Variants in CYREN observed in about 807,000 individuals in gnomAD.
CYREN encodes cell cycle regulator of NHEJ.
Under a neutral mutation model 9.7 loss-of-function variants are expected in CYREN, and 7 were observed. That is an observed-to-expected ratio of 0.72 (90% confidence interval 0.41 to 1.36). The LOEUF is 1.36. CYREN is among the 40% of genes most tolerant of loss of function. The pLI, the probability that CYREN is intolerant of heterozygous loss-of-function variation, is 0.01. For missense variants in CYREN, 215 were observed against 198.1 expected, an observed-to-expected ratio of 1.09 and a Z score of -0.51; for synonymous variants, 76 against 77.9, an observed-to-expected ratio of 0.98 and a Z score of 0.13.
chr7:135,122,294 C>A (rs185531314), intron 2 of CYREN, among the ~76,000 whole-genome samples: 1 of 152,158 alleles, frequency 6.6e-6, no homozygotes, highest in Non-Finnish European at 1.5e-5. Flanking sequence ...CCTCTTCAGG[C>A]CTGACCCTGA....
intron 2 of CYREN, among the ~76,000 whole-genome samples, chr7:135,098,492 CAGTT>C (rs1823263349): frequency 1.3e-5 from 2 of 152,158 alleles, no homozygotes; most frequent in Admixed American, 6.5e-5. Context: ...TTTCCATCCT[CAGTT>C]GGTTAAATCC....
At chr7:135,096,545 A>G in intron 2 of CYREN, among the ~76,000 whole-genome samples, 4 of 85,684 alleles carry the variant, frequency 4.7e-5, no homozygotes, top group African/African-American at 8.4e-5. Flanking sequence ...AAAGAAAAAG[A>G]AAGAAAGAAA....
chr7:135,098,271 A>C (rs1485843595), intron 2 of CYREN, among the ~76,000 whole-genome samples: 1 of 152,198 alleles, frequency 6.6e-6, no homozygotes, highest in East Asian at 1.9e-4. Flanking sequence ...CAAAATCTGC[A>C]TATGCTCAAG....
intron 2 of CYREN, chr7:135,135,420 G>A: frequency 2.2e-6 from 1 of 451,960 alleles, no homozygotes; most frequent in Non-Finnish European, 3.7e-6. Flanking sequence ...ATCTTCTGTA[G>A]TGGGAACATC....
At chr7:135,102,422 A>C (rs1441878147) in intron 2 of CYREN, among the ~76,000 whole-genome samples, 5 of 152,194 alleles carry the variant, frequency 3.3e-5, no homozygotes, top group Non-Finnish European at 5.9e-5. Flanking sequence ...AAAGATAATA[A>C]TATGGAATAA....
At chr7:135,164,824 CAGG>C, downstream of CYREN, 1 of 1,614,068 alleles carries the variant, frequency 6.2e-7, no homozygotes. Context: ...GTGCTGCTGG[CAGG>C]CGGCCTGGGC....
rs901579483 is a variant in CYREN at position 135,136,159 on chromosome 7, A to G, written n.356+32590T>C. Among the ~76,000 whole-genome samples the G allele has an allele frequency of 2.0e-4, 31 of 152,208 alleles. 1 individual carries two copies. Among genetic ancestry groups the G allele is most frequent in the African/African-American group, 7.0e-4 (29 of 41,560 alleles). Reference sequence around the variant, plus strand: ...TCAAGCAGCCTTGAGTCATAGGTCAACAATGGCATCCATTAGAGGATGAGG... The same window carrying G: ...TCAAGCAGCCTTGAGTCATAGGTCAGCAATGGCATCCATTAGAGGATGAGG... On this transcript the variant is annotated intron_variant and non_coding_transcript_variant, in intron 2 of 2. Coordinates refer to the CYREN transcript ENST00000459937.
At chr7:135,115,694 GA>G (rs1046469020) in intron 2 of CYREN, 95 of 1,159,218 alleles carry the variant, frequency 8.2e-5, no homozygotes, top group Non-Finnish European at 9.5e-5. Context: ...ATTATCCTAC[GA>G]AAAAAAAATC....
chr7:135,169,045 A>G lies in CYREN; in HGVS notation c.-123T>C. The G allele has an allele frequency of 1.1e-6, 1 of 925,674 alleles. No homozygotes were observed. The highest frequency in any genetic ancestry group is 1.6e-6 in the Non-Finnish European group (1 of 629,104). The allele number at this position is 925,674 out of a possible 1,614,324, so 57.3% of individuals were successfully genotyped here. A position where few individuals can be genotyped will look rare whatever the true frequency, so the allele number is the denominator to read the frequency against. Reference sequence around the variant, plus strand: ...TACAGGTCCATTTGTCCTCAGTGGGAGTTGATCTTTGATTCCTACAAAGAA... The same window carrying G: ...TACAGGTCCATTTGTCCTCAGTGGGGGTTGATCTTTGATTCCTACAAAGAA... On this transcript the variant is annotated 5_prime_UTR_variant, in exon 2 of 4. Coordinates refer to ENST00000393114, the MANE Select transcript of CYREN (RefSeq NM_024033.4).
intron 2 of CYREN, among the ~76,000 whole-genome samples, chr7:135,118,981 A>C (rs1826727269): frequency 6.6e-6 from 1 of 152,198 alleles, no homozygotes; most frequent in Non-Finnish European, 1.5e-5. Flanking sequence ...CATAAGAGAA[A>C]AAATAGGCTT....
chr7:135,169,158 A>G (rs1585379010), intron 1 of CYREN, 98 bp from the exon 2 acceptor site: 1 of 398,022 alleles, frequency 2.5e-6, no homozygotes, highest in Non-Finnish European at 4.5e-6. Flanking sequence ...CCAAGGCCCA[A>G]GAGACTCAGA....
intron 2 of CYREN, chr7:135,135,374 C>A: frequency 1.1e-6 from 1 of 869,688 alleles, no homozygotes; most frequent in Non-Finnish European, 1.6e-6. Context: ...TCCCCTTACA[C>A]ATGCATATGC....
intron 2 of CYREN, among the ~76,000 whole-genome samples, chr7:135,116,147 T>C (rs1171647996): frequency 2.6e-5 from 4 of 152,194 alleles, no homozygotes; most frequent in African/African-American, 9.7e-5. Context: ...TATAATGTAC[T>C]TCCTATGTGC....
intron 2 of CYREN, among the ~76,000 whole-genome samples, chr7:135,106,447 C>G (rs1359083744): frequency 6.6e-6 from 1 of 152,112 alleles, no homozygotes; most frequent in African/African-American, 2.4e-5. Flanking sequence ...TTATCAAAAG[C>G]CTTTTCTGCA....
At chr7:135,109,780 G>GC (rs1825345949) in intron 2 of CYREN, among the ~76,000 whole-genome samples, 1 of 152,182 alleles carries the variant, frequency 6.6e-6, no homozygotes, top group Non-Finnish European at 1.5e-5. Flanking sequence ...GCTGTGCTGC[G>GC]CCAGGGGACC....
At chr7:135,103,561 C>A (rs1184477579) in intron 2 of CYREN, among the ~76,000 whole-genome samples, 1 of 152,116 alleles carries the variant, frequency 6.6e-6, no homozygotes, top group Non-Finnish European at 1.5e-5. Flanking sequence ...AACAGAAAGG[C>A]CTTCAAGTTT....
intron 2 of CYREN, among the ~76,000 whole-genome samples, chr7:135,154,316 T>G (rs187080345): frequency 6.6e-6 from 1 of 152,310 alleles, no homozygotes; most frequent in Admixed American, 6.5e-5. Flanking sequence ...ATATGAACTT[T>G]TAGTTTCATT....
chr7:135,152,513 T>C (rs1829689141), intron 2 of CYREN, among the ~76,000 whole-genome samples: 1 of 152,240 alleles, frequency 6.6e-6, no homozygotes, highest in Non-Finnish European at 1.5e-5. Flanking sequence ...ATGAAAACAG[T>C]AACTCTACCC....
intron 2 of CYREN, chr7:135,134,997 C>T: frequency 6.4e-7 from 1 of 1,551,162 alleles, no homozygotes; most frequent in Non-Finnish European, 8.7e-7. Context: ...TATCACCTCT[C>T]AAAGGCCCCA....
Sources: allele counts gnomAD v4.1 joint callset (sites outside exome capture counted in the v4.1 genomes callset), GRCh38; gene constraint gnomAD v4.1.1; transcripts MANE v1.5; gene names NCBI Gene and HGNC (gene_info 2026-07-23, HGNC 2026-07-21).